Variants in ZBTB44 observed in about 807,000 individuals in gnomAD.
ZBTB44 encodes zinc finger and BTB domain-containing protein 44.
In ZBTB44, 15 loss-of-function variants were observed where a neutral mutation model predicts 54.0. That is an observed-to-expected ratio of 0.28 (90% CI 0.19 to 0.43). ZBTB44 has a LOEUF of 0.43. Among genes scored for constraint, ZBTB44 ranks in the 20% least tolerant of loss-of-function variants. The pLI is 1.00. For missense variants in ZBTB44, 487 were observed against 707.1 expected, an observed-to-expected ratio of 0.69 and a Z score of 3.53; for synonymous variants, 230 against 250.1, an observed-to-expected ratio of 0.92 and a Z score of 0.76.
At position 130,228,851 on chromosome 11, in the gene ZBTB44, C is replaced by G. The variant is rs957745950; in HGVS notation, c.*2913G>C. 1 of 152,174 alleles carries G rather than the reference C, an allele frequency of 6.6e-6. No individual in the cohort carries two copies. Among genetic ancestry groups the G allele is most frequent in the Non-Finnish European group, 1.5e-5 (1 of 68,026 alleles). The allele number at this position is 152,174 out of a possible 1,614,324, so 9.4% of individuals were successfully genotyped here. On this transcript the variant is annotated 3_prime_UTR_variant, in exon 8 of 8. Coordinates refer to ENST00000357899, the MANE Select transcript of ZBTB44 (RefSeq NM_001301098.2). ...TATATCGCCACAACCGTGCCTGGGA[C>G]TTTAAGCTTCATCAGCAACATCAGT...
chr11:130,244,600 G>C (rs1048122811), intron 2 of ZBTB44, among the ~76,000 whole-genome samples: 2 of 148,596 alleles, frequency 1.3e-5, no homozygotes, highest in African/African-American at 5.0e-5. Context: ...ATGGGAGGCA[G>C]AGCTTGCAGT....
intron 1 of ZBTB44, among the ~76,000 whole-genome samples, chr11:130,280,209 G>C (rs1206023552): frequency 6.6e-6 from 1 of 152,112 alleles, no homozygotes; most frequent in Non-Finnish European, 1.5e-5. Flanking sequence ...AAATGCAAAT[G>C]ATTTAATCAC....
At chr11:130,299,866 C>T (rs1002927280) in intron 1 of ZBTB44, among the ~76,000 whole-genome samples, 1 of 152,180 alleles carries the variant, frequency 6.6e-6, no homozygotes, top group Admixed American at 6.5e-5. Context: ...CATTAATATT[C>T]AAAGCAGCAT....
chr11:130,263,145 A>G (rs557551916), intron 1 of ZBTB44, among the ~76,000 whole-genome samples: 4 of 152,242 alleles, frequency 2.6e-5, no homozygotes, highest in Non-Finnish European at 5.9e-5. Context: ...TCACAAAAGG[A>G]TAAGGCATAA....
intron 1 of ZBTB44, among the ~76,000 whole-genome samples, chr11:130,292,866 A>G (rs1941387129): frequency 6.6e-6 from 1 of 152,206 alleles, no homozygotes; most frequent in Non-Finnish European, 1.5e-5. Flanking sequence ...AGTTATTAAA[A>G]TAAGACGTTT....
chr11:130,295,789 C>T, intron 1 of ZBTB44: 1 of 1,434,462 alleles, frequency 7.0e-7, no homozygotes, highest in Non-Finnish European at 9.8e-7. Context: ...AAAATTCATG[C>T]CCAGGAATGC....
chr11:130,274,799 AAG>A, intron 1 of ZBTB44, among the ~76,000 whole-genome samples: 1 of 152,288 alleles, frequency 6.6e-6, no homozygotes, highest in South Asian at 2.1e-4. Context: ...CATTATTCAT[AAG>A]AGATATTGGT....
At chr11:130,248,776 C>T (rs1009936442) in intron 2 of ZBTB44, among the ~76,000 whole-genome samples, 1 of 152,096 alleles carries the variant, frequency 6.6e-6, no homozygotes, top group African/African-American at 2.4e-5. Flanking sequence ...ACTTATATAA[C>T]TGAAAGATTT....
intron 2 of ZBTB44, among the ~76,000 whole-genome samples, chr11:130,247,246 T>G (rs1489707393): frequency 6.6e-6 from 1 of 152,182 alleles, no homozygotes; most frequent in Non-Finnish European, 1.5e-5. Context: ...ATAGGTGGTC[T>G]TTGGCTATAG....
rs1180818847 is a variant in ZBTB44 at position 130,228,666 on chromosome 11, C to T, written c.*3098G>A. The T allele has an allele frequency of 2.0e-5, 3 of 152,176 alleles. No individual in the cohort carries two copies. The highest frequency in any genetic ancestry group is 7.2e-5 in the African/African-American group (3 of 41,450). 9.4% of individuals were successfully genotyped at this position (152,176 alleles called of 1,614,324 possible). On this transcript the variant is annotated 3_prime_UTR_variant, in exon 8 of 8. Coordinates refer to ENST00000357899, the MANE Select transcript of ZBTB44 (RefSeq NM_001301098.2). ...TTATCCTTCCTCAGCAGGTGATGTA[C>T]TTTGGTAACCTCAACATTCATTTAT...
Position 130,229,196 on chromosome 11 carries a change from GTTT to G in ZBTB44, c.*2565_*2567del, listed in dbSNP as rs1434055788. ...AGACTATTTATAAAAACATGGAAGT[GTTT>G]TTATTTTCCCATCATAAAAATATAA... On this transcript the variant is annotated 3_prime_UTR_variant, in exon 8 of 8. Transcript: ENST00000357899. 1 of 152,098 alleles carries G rather than the reference GTTT, an allele frequency of 6.6e-6. No homozygotes were observed. The highest frequency in any genetic ancestry group is 6.5e-5 in the Admixed American group (1 of 15,274). The allele number at this position is 152,098 out of a possible 1,614,324, so 9.4% of individuals were successfully genotyped here.
chr11:130,233,238 C>T (rs1953951648), intron 7 of ZBTB44, 70 bp downstream of exon 7: 5 of 1,487,746 alleles, frequency 3.4e-6, no homozygotes, highest in East Asian at 2.5e-5. Flanking sequence ...CATTCGGAGA[C>T]CAGGTAAACA....
chr11:130,261,727 T>C lies in ZBTB44; in HGVS notation c.147A>G (p.Leu49=). The C allele has an allele frequency of 1.2e-6, 2 of 1,614,058 alleles. No homozygotes were observed. The highest frequency in any genetic ancestry group is 8.5e-7 in the Non-Finnish European group (1 of 1,179,906). Residue 49 remains leucine (L), a synonymous_variant, in exon 2 of 8, where the codon CTA becomes CTG. Coordinates refer to ENST00000357899, the MANE Select transcript of ZBTB44 (RefSeq NM_001301098.2). This position sits in a 1 kb window ranked among gnomAD's most constrained non-coding sequence, Gnocchi z 4.8. ...DKIFRAHKVV[L]AACSDFFRTK... is the part of the protein sequence containing the mutation. ...TGCGAAAGAAATCACTGCAAGCTGC[T>C]AGTACCACCTTATGTGCCCGGAAGA...
Position 130,236,920 on chromosome 11 carries a change from T to C in ZBTB44, c.1441A>G (p.Ile481Val). Residue 481 changes from isoleucine to valine, a missense_variant, in exon 5 of 8, where the codon ATC becomes GTC. Ile to Val is a conservative substitution (Grantham distance 29). This residue lies in a region of ZBTB44 where 120 missense variants were observed against 240.3 expected (regional missense o/e 0.50). Coordinates refer to ENST00000357899, the MANE Select transcript of ZBTB44 (RefSeq NM_001301098.2). Reference sequence around the variant, plus strand: ...CACTCGTAAATCCGAGGCTTGCGGATAATGTGCCGGGAAACCCTCATGTGG... The same window carrying C: ...CACTCGTAAATCCGAGGCTTGCGGACAATGTGCCGGGAAACCCTCATGTGG... ...KHHMRVSRHI[I>V]RKPRIYECKT... is the part of the protein sequence containing the mutation. 1.2e-6 allele frequency: 2 copies of C among 1,602,520 alleles called. No homozygotes were observed. The highest frequency in any genetic ancestry group is 1.7e-4 in the Middle Eastern group (1 of 6,036).
intron 1 of ZBTB44, among the ~76,000 whole-genome samples, chr11:130,306,815 C>T (rs1466712423): frequency 6.6e-6 from 1 of 152,040 alleles, no homozygotes; most frequent in Non-Finnish European, 1.5e-5. Context: ...ATCGTATGTT[C>T]TCACTTATAA....
chr11:130,273,696 C>T (rs913296495), intron 1 of ZBTB44, among the ~76,000 whole-genome samples: 1 of 152,158 alleles, frequency 6.6e-6, no homozygotes, highest in Admixed American at 6.5e-5. Flanking sequence ...TGCAACCTTG[C>T]TCAACTTGTT....
At chr11:130,280,364 A>G (rs138247586) in intron 1 of ZBTB44, among the ~76,000 whole-genome samples, 40 of 152,350 alleles carry the variant, frequency 2.6e-4, no homozygotes, top group Non-Finnish European at 4.7e-4. Flanking sequence ...CCATTTAAAC[A>G]CTAATCAAAA....
intron 1 of ZBTB44, among the ~76,000 whole-genome samples, chr11:130,308,280 C>T (rs1412493263): frequency 1.3e-5 from 2 of 152,250 alleles, no homozygotes; most frequent in South Asian, 2.1e-4. Flanking sequence ...CAGAACATAT[C>T]CCCGTTGCAA....
intron 1 of ZBTB44, among the ~76,000 whole-genome samples, chr11:130,300,365 A>G (rs1941925712): frequency 6.6e-6 from 1 of 152,184 alleles, no homozygotes; most frequent in Non-Finnish European, 1.5e-5. Flanking sequence ...TCAATGGTCT[A>G]TGTGTCTACC....
Sources: allele counts gnomAD v4.1 joint callset (sites outside exome capture counted in the v4.1 genomes callset), GRCh38; gene constraint gnomAD v4.1.1; regional missense constraint gnomAD v4.1.1; non-coding constraint Gnocchi (gnomAD v3.1); transcripts MANE v1.5; gene names NCBI Gene and HGNC (gene_info 2026-07-23, HGNC 2026-07-21).